Variants in PCCA observed in about 807,000 individuals in gnomAD.
PCCA encodes propionyl-CoA carboxylase subunit alpha, also known as propionyl-CoA carboxylase alpha chain, mitochondrial.
PCCA carries 74 observed loss-of-function variants against 101.3 expected under a neutral mutation model. The observed-to-expected ratio is 0.73, with a 90% CI of 0.61 to 0.89. PCCA has a LOEUF of 0.89. Among genes scored for constraint, PCCA ranks in the 40% least tolerant of loss-of-function variants. The probability of loss-of-function intolerance (pLI) is 0.00; values close to 1 mark genes in which losing one functional copy is unlikely to be tolerated. For missense variants in PCCA, 891 were observed against 907.0 expected, an observed-to-expected ratio of 0.98 and a Z score of 0.23; for synonymous variants, 294 against 313.6, an observed-to-expected ratio of 0.94 and a Z score of 0.66.
intron 19 of PCCA, among the ~76,000 whole-genome samples, chr13:100,407,718 A>G (rs1453726938): frequency 1.3e-5 from 2 of 152,238 alleles, no homozygotes; most frequent in Non-Finnish European, 2.9e-5. Flanking sequence ...AACCTAGACA[A>G]AAATTTATAT....
chr13:100,182,166 T>C (rs541675405), intron 6 of PCCA, among the ~76,000 whole-genome samples: 1 of 148,790 alleles, frequency 6.7e-6, no homozygotes, highest in East Asian at 2.0e-4. Context: ...GGCTTGATCT[T>C]GGCTTACTGC....
At chr13:100,243,874 C>G (rs148316499) in intron 8 of PCCA, among the ~76,000 whole-genome samples, 2 of 152,140 alleles carry the variant, frequency 1.3e-5, no homozygotes, top group Non-Finnish European at 2.9e-5. Context: ...TGGCATAATA[C>G]AACATTTTTT....
chr13:100,173,251 TG>T (rs1165839283), intron 6 of PCCA, among the ~76,000 whole-genome samples: 3 of 152,202 alleles, frequency 2.0e-5, no homozygotes, highest in Non-Finnish European at 4.4e-5. Flanking sequence ...TACAGTGTGC[TG>T]GTTCTGGTTG....
At chr13:100,340,476 C>G (rs536915633) in intron 18 of PCCA, among the ~76,000 whole-genome samples, 7 of 152,030 alleles carry the variant, frequency 4.6e-5, no homozygotes, top group Non-Finnish European at 1.0e-4. Flanking sequence ...AGGATCTTGG[C>G]CCTTTTAATT....
chr13:100,271,907 G>T (rs1408090112), intron 11 of PCCA, among the ~76,000 whole-genome samples: 1 of 152,144 alleles, frequency 6.6e-6, no homozygotes, highest in Non-Finnish European at 1.5e-5. Context: ...ATTAATAATT[G>T]CTATATATTG....
chr13:100,486,779 T>TTC (rs2084409693), intron 21 of PCCA, among the ~76,000 whole-genome samples: 1 of 151,978 alleles, frequency 6.6e-6, no homozygotes, highest in South Asian at 2.1e-4. Flanking sequence ...ATAAGCCAGG[T>TTC]GTGATGATAC....
chr13:100,235,074 C>T (rs2060711406), intron 7 of PCCA, among the ~76,000 whole-genome samples: 1 of 152,036 alleles, frequency 6.6e-6, no homozygotes, highest in African/African-American at 2.4e-5. Context: ...GTCTTTTCAT[C>T]TTCTTAGAGG....
intron 19 of PCCA, among the ~76,000 whole-genome samples, chr13:100,400,658 C>CTTTTT (rs1410489836): frequency 4.7e-5 from 3 of 64,040 alleles, no homozygotes; most frequent in African/African-American, 2.4e-4. Context: ...GAGAGTTTTG[C>CTTTTT]TCTTTTGCCC....
intron 6 of PCCA, among the ~76,000 whole-genome samples, chr13:100,162,124 G>A (rs544422327): frequency 6.6e-6 from 1 of 151,768 alleles, no homozygotes; most frequent in Non-Finnish European, 1.5e-5. Flanking sequence ...GTCTGTCTGC[G>A]TGTGCTAGAA....
intron 4 of PCCA, among the ~76,000 whole-genome samples, chr13:100,118,153 C>A (rs1298002121): frequency 6.6e-6 from 1 of 150,386 alleles, no homozygotes; most frequent in Non-Finnish European, 1.5e-5. Flanking sequence ...AAATAAGTTA[C>A]AGACATTGTG....
intron 8 of PCCA, among the ~76,000 whole-genome samples, chr13:100,250,955 G>A (rs954431436): frequency 8.6e-5 from 13 of 151,692 alleles, no homozygotes; most frequent in African/African-American, 1.9e-4. Context: ...TGGTTTTTTC[G>A]TAGTATAATG....
At chr13:100,219,601 CT>C (rs1261661002) in intron 7 of PCCA, among the ~76,000 whole-genome samples, 2 of 152,174 alleles carry the variant, frequency 1.3e-5, no homozygotes, top group Non-Finnish European at 2.9e-5. Flanking sequence ...CGAGGGAGAG[CT>C]TGTGGAACAA....
intron 19 of PCCA, among the ~76,000 whole-genome samples, chr13:100,375,676 C>A (rs957704743): frequency 6.6e-6 from 1 of 152,154 alleles, no homozygotes; most frequent in African/African-American, 2.4e-5. Context: ...CCAGTACCAG[C>A]CACTGCAAAA....
intron 2 of PCCA, among the ~76,000 whole-genome samples, chr13:100,103,497 A>T (rs1469164986): frequency 6.6e-6 from 1 of 151,622 alleles, no homozygotes; most frequent in African/African-American, 2.4e-5. Flanking sequence ...TTTTTAGTAG[A>T]GATGGGGTTT....
intron 12 of PCCA, among the ~76,000 whole-genome samples, chr13:100,284,007 T>C (rs2064362587): frequency 6.6e-6 from 1 of 152,172 alleles, no homozygotes; most frequent in East Asian, 1.9e-4. Flanking sequence ...CGCCAGCTCA[T>C]GTCATCACCC....
At chr13:100,127,766 C>T (rs766611455) in intron 4 of PCCA, among the ~76,000 whole-genome samples, 1 of 152,018 alleles carries the variant, frequency 6.6e-6, no homozygotes, top group Non-Finnish European at 1.5e-5. Context: ...GTGGTGGGTG[C>T]GTGTAGTCCC....
At chr13:100,254,449 A>T (rs1221967044) in intron 8 of PCCA, among the ~76,000 whole-genome samples, 1 of 152,218 alleles carries the variant, frequency 6.6e-6, no homozygotes, top group East Asian at 1.9e-4. Context: ...TCATGTCCAG[A>T]TGAGGTGAGG....
chr13:100,368,412 AG>A (rs1437032903), intron 18 of PCCA, 59 bp from the exon 19 acceptor site: 1 of 933,498 alleles, frequency 1.1e-6, no homozygotes, highest in Non-Finnish European at 1.7e-6. Context: ...AAGGGAAATT[AG>A]TTTATTGAGA....
intron 19 of PCCA, among the ~76,000 whole-genome samples, chr13:100,393,597 T>C (rs2076915073): frequency 6.6e-6 from 1 of 152,002 alleles, no homozygotes; most frequent in African/African-American, 2.4e-5. Context: ...TTTTGTATTT[T>C]TAGAAGAGAT....
Sources: gnomAD v4.1 joint callset for allele counts (sites outside exome capture counted in the v4.1 genomes callset) on GRCh38, gnomAD v4.1.1 for gene constraint, MANE v1.5 for transcripts, NCBI Gene and HGNC (gene_info 2026-07-23, HGNC 2026-07-21) for gene names.